Variants in COL5A1 observed in about 807,000 individuals in gnomAD.
COL5A1 encodes the protein collagen alpha-1(V) chain.
A neutral mutation model predicts 263.7 loss-of-function variants in COL5A1; 16 were observed. The observed-to-expected ratio is 0.06, with a 90% confidence interval of 0.04 to 0.09. The LOEUF is 0.09. Ranked by LOEUF, COL5A1 falls within the 10% of genes least tolerant of loss-of-function variation. The pLI is 1.00. For synonymous variants in COL5A1, 1,012 were observed against 1,004.5 expected (o/e 1.01, Z -0.14); for missense variants, 2,036 against 2,540.5 (o/e 0.80, Z 4.27).
At position 134,760,585 on chromosome 9, in the gene COL5A1, GACACATGCACACACACC is replaced by G. The variant is rs776894050; in HGVS notation, c.1936-1323_1936-1307del. Among the ~76,000 whole-genome samples, 95 of 34,372 alleles carry G rather than the reference GACACATGCACACACACC, an allele frequency of 2.8e-3. 1 individual carries two copies. Among genetic ancestry groups the G allele is most frequent in the South Asian group, 7.1e-3 (6 of 850 alleles). The allele number at this position is 34,372 out of a possible 152,430, so 22.5% of individuals were successfully genotyped here. Reference sequence around the variant, plus strand: ...ACACACCCACACACCCCCACACTCAGACACATGCACACACACCACACATGCACACACACACACCCACA... The same window carrying G: ...ACACACCCACACACCCCCACACTCAGACACATGCACACACACACACCCACA... On this transcript the variant is annotated intron_variant, in intron 18 of 65. Transcript: ENST00000371817.
At chr9:134,764,853 T>C (rs997420115) in intron 20 of COL5A1, among the ~76,000 whole-genome samples, 1 of 152,200 alleles carries the variant, frequency 6.6e-6, no homozygotes, top group Non-Finnish European at 1.5e-5. Flanking sequence ...GAAATGTTGC[T>C]ATAACTAGGT....
chr9:134,822,729 G>GCA (rs1839066213), intron 59 of COL5A1, among the ~76,000 whole-genome samples: 1 of 130,086 alleles, frequency 7.7e-6, no homozygotes, highest in East Asian at 2.0e-4. Flanking sequence ...CGCCCCCCCC[G>GCA]CGGCTGTCTG....
intron 18 of COL5A1, among the ~76,000 whole-genome samples, chr9:134,760,837 C>G (rs1262302140): frequency 4.0e-5 from 6 of 149,286 alleles, no homozygotes; most frequent in Admixed American, 1.3e-4. Flanking sequence ...CACATGCACA[C>G]ATGCATACAC....
chr9:134,751,133 C>T (rs1005538175), intron 13 of COL5A1, among the ~76,000 whole-genome samples: 6 of 150,794 alleles, frequency 4.0e-5, no homozygotes, highest in African/African-American at 7.4e-5. Context: ...GCCCCGAGAG[C>T]GTGTCACTGT....
rs1055147578 is a variant in COL5A1, at chr9:134,696,927, C to G, written c.278-2982C>G. 6.6e-6 allele frequency among the ~76,000 whole-genome samples: 1 copy of G among 152,064 alleles called. No homozygotes were observed. Among genetic ancestry groups the G allele is most frequent in the African/African-American group, 2.4e-5 (1 of 41,394 alleles). On this transcript the variant is annotated intron_variant, in intron 2 of 65. Coordinates refer to ENST00000371817, the MANE Select transcript of COL5A1 (RefSeq NM_000093.5). The surrounding 1 kb of genome is among the most constrained non-coding windows in gnomAD (Gnocchi z 4.3). ...CTACTAAAAATACAAAAAAATTAGC[C>G]AGGCTTGGTGGCGGGTGCCTGTAGT...
intron 4 of COL5A1, among the ~76,000 whole-genome samples, chr9:134,713,532 G>T (rs1834142438): frequency 6.6e-6 from 1 of 152,236 alleles, no homozygotes; most frequent in African/African-American, 2.4e-5. Context: ...TTCAAGCTGG[G>T]ACTATGTTCT....
At chr9:134,791,392 T>C (rs1025706710) in intron 32 of COL5A1, among the ~76,000 whole-genome samples, 1 of 152,208 alleles carries the variant, frequency 6.6e-6, no homozygotes, top group Admixed American at 6.5e-5. Flanking sequence ...CTTCAGAGCC[T>C]CCCGTTCAGG....
chr9:134,728,915 T>TGGTGAAGGTTGCGGGGGCAGCTC, intron 6 of COL5A1, 108 bp downstream of exon 6: 1 of 1,437,302 alleles, frequency 7.0e-7, no homozygotes, highest in Non-Finnish European at 9.6e-7. Context: ...GGGGGCTGTC[T>TGGTGAAGGTTGCGGGGGCAGCTC]GGTGAAGGTT....
chr9:134,729,203 G>A (rs916597153), intron 6 of COL5A1, among the ~76,000 whole-genome samples: 2 of 152,204 alleles, frequency 1.3e-5, no homozygotes, highest in Admixed American at 6.5e-5. Flanking sequence ...GGGGGGTGAC[G>A]CAGTCTGAGG....
intron 11 of COL5A1, among the ~76,000 whole-genome samples, chr9:134,747,249 A>G (rs1835550625): frequency 6.6e-6 from 1 of 152,190 alleles, no homozygotes; most frequent in Non-Finnish European, 1.5e-5. Context: ...GAGAAGCGGC[A>G]TCAGAGGGAA....
intron 11 of COL5A1, among the ~76,000 whole-genome samples, chr9:134,744,652 G>C (rs970596467): frequency 1.6e-5 from 2 of 123,250 alleles, no homozygotes; most frequent in Admixed American, 8.0e-5. Flanking sequence ...CATGCACACA[G>C]GTACGCTCAC....
At chr9:134,673,667 TTAGA>T (rs1265435417) in intron 1 of COL5A1, among the ~76,000 whole-genome samples, 13 of 152,164 alleles carry the variant, frequency 8.5e-5, no homozygotes, top group African/African-American at 3.1e-4. Flanking sequence ...CAAAGATTTC[TTAGA>T]TAGGAAACAA....
intron 25 of COL5A1, among the ~76,000 whole-genome samples, chr9:134,771,417 C>T (rs1836862117): frequency 6.6e-6 from 1 of 152,192 alleles, no homozygotes; most frequent in Non-Finnish European, 1.5e-5. Context: ...CAAGCACGTC[C>T]CCTCCCAGCT....
chr9:134,842,029 G>C lies in COL5A1; in HGVS notation c.5371-128G>C. ...TCCTCCAACACTTGCCCGGGCAAGC[G>C]CAGCCCTGGGTAGGAGACAGGACAC... On this transcript the variant is annotated intron_variant, in intron 65 of 65. Coordinates refer to ENST00000371817, the MANE Select transcript of COL5A1 (RefSeq NM_000093.5). The surrounding 1 kb of genome is among the most constrained non-coding windows in gnomAD (Gnocchi z 5.8). 1 of 1,051,858 alleles carries C rather than the reference G, an allele frequency of 9.5e-7. No individual in the cohort carries two copies. Among genetic ancestry groups the C allele is most frequent in the Non-Finnish European group, 1.4e-6 (1 of 690,618 alleles). The allele number at this position is 1,051,858 out of a possible 1,614,324, so 65.2% of individuals were successfully genotyped here. A position where few individuals can be genotyped will look rare whatever the true frequency, so the allele number is the denominator to read the frequency against.
chr9:134,766,962 A>G, intron 22 of COL5A1, 38 bp from the exon 23 acceptor site: 1 of 1,594,726 alleles, frequency 6.3e-7, no homozygotes, highest in African/African-American at 1.3e-5. Context: ...TACAGTTCCC[A>G]GAGCCCCCTT....
At chr9:134,819,097 T>G (rs1838888582) in intron 57 of COL5A1, 44 bp downstream of exon 57, 3 of 1,593,904 alleles carry the variant, frequency 1.9e-6, no homozygotes. Flanking sequence ...CTCGGGGCCT[T>G]CAAATTTGTG....
intron 11 of COL5A1, among the ~76,000 whole-genome samples, chr9:134,744,699 C>A (rs1835429959): frequency 6.7e-6 from 1 of 149,352 alleles, no homozygotes; most frequent in African/African-American, 2.5e-5. Context: ...ATGCACACAC[C>A]CATACATGCT....
rs998619218 is a variant in COL5A1, at chr9:134,782,153, G to A, written c.2431-514G>A. On this transcript the variant is annotated intron_variant, in intron 28 of 65. Coordinates refer to ENST00000371817, the MANE Select transcript of COL5A1 (RefSeq NM_000093.5). Reference sequence around the variant, plus strand: ...GTTCACCAGTAACCCAGGGGTGCGCGGGCCGCTGACTTCCCCCGCCACCCC... The same window carrying A: ...GTTCACCAGTAACCCAGGGGTGCGCAGGCCGCTGACTTCCCCCGCCACCCC... 1.7e-4 allele frequency among the ~76,000 whole-genome samples: 26 copies of A among 152,184 alleles called. 1 individual carries two copies. Among genetic ancestry groups the A allele is most frequent in the African/African-American group, 4.8e-4 (20 of 41,446 alleles).
intron 1 of COL5A1, among the ~76,000 whole-genome samples, chr9:134,674,994 CTAA>C (rs1426565113): frequency 1.3e-5 from 2 of 152,096 alleles, no homozygotes; most frequent in African/African-American, 4.8e-5. Context: ...CTTATTAATA[CTAA>C]TAATTATTAA....
Sources: gnomAD v4.1 joint callset for allele counts (sites outside exome capture counted in the v4.1 genomes callset) on GRCh38, gnomAD v4.1.1 for gene constraint, Gnocchi (gnomAD v3.1) non-coding constraint, MANE v1.5 for transcripts, NCBI Gene and HGNC (gene_info 2026-07-23, HGNC 2026-07-21) for gene names.